Variants in ZMAT1 observed in about 807,000 individuals in gnomAD.
ZMAT1 encodes the protein zinc finger matrin-type 1.
A neutral mutation model predicts 18.5 loss-of-function variants in ZMAT1; 11 were observed. The observed-to-expected ratio is 0.59, with a 90% CI of 0.37 to 0.98. The LOEUF is 0.98. Ranked by LOEUF, ZMAT1 falls within the 50% of genes least tolerant of loss-of-function variation. ZMAT1 has a pLI of 0.01. For missense variants in ZMAT1, 525 were observed against 496.2 expected (o/e 1.06, Z -0.55); for synonymous variants, 211 against 176.4 (o/e 1.20, Z -1.55).
chrX:101,885,917 G>A (rs1238236167), intron 5 of ZMAT1, among the ~76,000 whole-genome samples: 1 of 110,854 alleles, frequency 9.0e-6, no homozygotes, highest in Non-Finnish European at 1.9e-5. Flanking sequence ...CAAACTCCTT[G>A]GCTCTTCCTC....
chrX:101,896,237 T>G (rs1381762397), intron 4 of ZMAT1, among the ~76,000 whole-genome samples: 1 of 112,229 alleles, frequency 8.9e-6, no homozygotes, highest in Non-Finnish European at 1.9e-5. Flanking sequence ...CTTTCTTGAG[T>G]AACAAAGTAA....
intron 1 of ZMAT1, among the ~76,000 whole-genome samples, chrX:101,906,087 A>G (rs765886980): frequency 9.0e-6 from 1 of 110,754 alleles, no homozygotes; most frequent in South Asian, 3.8e-4. Context: ...CTTTAATTCC[A>G]ACTCCAAAAC....
chrX:101,898,223 GA>G lies in ZMAT1; in HGVS notation c.400-4del. ...ACATTTTGAGCATGTTTTTCACCCT[GA>G]AAAAAGATATAATATGACTTTGTTT... On this transcript the variant is annotated splice_polypyrimidine_tract_variant and splice_region_variant and intron_variant, in intron 2 of 5. Transcript: ENST00000651725. 2 of 1,192,291 alleles carry G rather than the reference GA, an allele frequency of 1.7e-6. No homozygotes were observed. The highest frequency in any genetic ancestry group is 2.3e-6 in the Non-Finnish European group (2 of 880,481).
Position 101,883,897 on chromosome X carries a change from TGAGCCA to T in ZMAT1, c.1695_1700del (p.Gly566_Ser567del). The T allele has an allele frequency of 1.7e-6, 2 of 1,210,578 alleles. No homozygotes were observed. On this transcript the variant is annotated inframe_deletion, in exon 6 of 6. Transcript: ENST00000651725. ...TGTAAACTTCAGATTCTACACTGTA[TGAGCCA>T]GAGTTATTTTCTTGCTGATTAAGGC...
rs781411126 is a variant in ZMAT1, at chrX:101,882,627, A to G, written c.*883T>C. On this transcript the variant is annotated 3_prime_UTR_variant, in exon 6 of 6. Transcript: ENST00000651725. ...TGTCCTTTAAAATAAATTATCTCCC[A>G]TGAATAAATAATTCACTATCACAGC... is the stretch of plus-strand genomic sequence containing the variant. 1 of 112,052 alleles carries G rather than the reference A, an allele frequency of 8.9e-6. No homozygotes were observed. The highest frequency in any genetic ancestry group is 3.2e-5 in the African/African-American group (1 of 30,897). 9.2% of individuals were successfully genotyped at this position (112,052 alleles called of 1,213,427 possible). A position where few individuals can be genotyped will look rare whatever the true frequency, so the allele number is the denominator to read the frequency against.
Position 101,883,675 on chromosome X carries a change from A to G in ZMAT1, c.1923T>C (p.Asp641=). 4 of 1,204,131 alleles carry G rather than the reference A, an allele frequency of 3.3e-6. No individual in the cohort carries two copies. Among genetic ancestry groups the G allele is most frequent in the Non-Finnish European group, 4.5e-6 (4 of 892,755 alleles). ...KSIRQRKREE[D]RVKVSSGKLK... ...GCTTTCCTGAACTGACCTTGACTCT[A>G]TCCTCCTCTCTTTTCCTTTGTCTGA... The change falls in exon 6 of 6, where the codon GAT becomes GAC. Residue 641 remains aspartate, a synonymous_variant. Coordinates refer to ENST00000651725, the MANE Select transcript of ZMAT1 (RefSeq NM_001394560.1).
In ZMAT1 at chrX:101,884,374, C is replaced by T. The variant is rs1332471685; in HGVS notation, c.1224G>A (p.Met408Ile). Reference sequence around the variant, plus strand: ...CCTCATGTGAAAATCTTTGCTCACACATTCTTGATCTGGGTCCAGAATCAA... The same window carrying T: ...CCTCATGTGAAAATCTTTGCTCACATATTCTTGATCTGGGTCCAGAATCAA... ...EMVDSGPRSR[M>I]CEQRFSHEAS... The change falls in exon 6 of 6, where the codon ATG becomes ATA. Residue 408 changes from methionine to isoleucine, a missense_variant. By Grantham distance (10) the Met-to-Ile change is conservative. Coordinates refer to ENST00000651725, the MANE Select transcript of ZMAT1 (RefSeq NM_001394560.1). The T allele has an allele frequency of 8.3e-7, 1 of 1,209,135 alleles. No homozygotes were observed. Among genetic ancestry groups the T allele is most frequent in the East Asian group, 3.0e-5 (1 of 33,704 alleles).
intron 1 of ZMAT1, among the ~76,000 whole-genome samples, chrX:101,911,271 G>T (rs1928943718): frequency 8.9e-6 from 1 of 111,921 alleles, no homozygotes; most frequent in Non-Finnish European, 1.9e-5. Context: ...TGTGCTAAAA[G>T]AAATGCTAAA....
Position 101,932,021 on chromosome X carries a change from C to A in ZMAT1, c.-13G>T, listed in dbSNP as rs918318229. On this transcript the variant is annotated 5_prime_UTR_variant, in exon 1 of 6. Transcript: ENST00000651725. ...GCGCCGCCGCCATCGCAGCGAGGCG[C>A]GCGGACAATTGCACTTGCGTCTCGA... The A allele has an allele frequency of 1.3e-6, 1 of 764,995 alleles. No homozygotes were observed. Among genetic ancestry groups the A allele is most frequent in the Admixed American group, 8.5e-5 (1 of 11,703 alleles). 63.0% of individuals were successfully genotyped at this position (764,995 alleles called of 1,213,427 possible).
rs1406907563 is a variant in ZMAT1, at chrX:101,883,196, G to A, written c.*314C>T. The A allele has an allele frequency of 6.2e-6, 1 of 162,544 alleles. No homozygotes were observed. The highest frequency in any genetic ancestry group is 1.3e-4 in the East Asian group (1 of 7,906). The allele number at this position is 162,544 out of a possible 1,213,427, so 13.4% of individuals were successfully genotyped here. A position where few individuals can be genotyped will look rare whatever the true frequency, so the allele number is the denominator to read the frequency against. On this transcript the variant is annotated 3_prime_UTR_variant, in exon 6 of 6. Coordinates refer to ENST00000651725, the MANE Select transcript of ZMAT1 (RefSeq NM_001394560.1). ...GCTGATTTCCTCAATTAATCCTTGG[G>A]CAAACAAAACTAAAAGTTCAATACC... is the stretch of plus-strand genomic sequence containing the variant.
intron 1 of ZMAT1, among the ~76,000 whole-genome samples, chrX:101,916,532 A>T (rs980133333): frequency 1.8e-5 from 2 of 112,059 alleles, no homozygotes. Context: ...AATTATATTG[A>T]AGAGGACACC....
rs943136623 is a variant in ZMAT1 at position 101,904,651 on chromosome X, A to G, written c.293-321T>C. Among the ~76,000 whole-genome samples, 22 of 111,013 alleles carry G rather than the reference A, an allele frequency of 2.0e-4. 1 individual carries two copies. Among genetic ancestry groups the G allele is most frequent in the African/African-American group, 6.9e-4 (21 of 30,502 alleles). ...CAGTAATTAAAGGCTGGATTTAAAA[A>G]CCCAGCCTTGGCCAGGTGCGGTGGC... On this transcript the variant is annotated intron_variant, in intron 1 of 5. Transcript: ENST00000651725.
intron 1 of ZMAT1, among the ~76,000 whole-genome samples, chrX:101,929,422 ATTATATAT>A (rs1930293274): frequency 4.2e-5 from 1 of 23,791 alleles, no homozygotes; most frequent in African/African-American, 2.5e-4. Context: ...ATAGAGAGAG[ATTATATAT>A]ATATATATAT....
chrX:101,920,043 CTTT>C (rs34092477), intron 1 of ZMAT1, among the ~76,000 whole-genome samples: 1 of 93,990 alleles, frequency 1.1e-5, no homozygotes. Context: ...ATTTATTACA[CTTT>C]TTTTTTTTTT....
chrX:101,913,678 G>A (rs1224518589), intron 1 of ZMAT1, among the ~76,000 whole-genome samples: 3 of 111,476 alleles, frequency 2.7e-5, no homozygotes, highest in Non-Finnish European at 5.7e-5. Context: ...ACACTGCAGT[G>A]CCCAGATATA....
intron 1 of ZMAT1, among the ~76,000 whole-genome samples, chrX:101,922,010 A>G (rs2147673917): frequency 9.0e-6 from 1 of 110,849 alleles, no homozygotes; most frequent in South Asian, 3.8e-4. Context: ...ATTGGATCCC[A>G]AACAGATCTA....
At chrX:101,896,030 A>C (rs1274842562) in intron 4 of ZMAT1, 1 of 140,193 alleles carries the variant, frequency 7.1e-6, no homozygotes, top group Non-Finnish European at 1.3e-5. Context: ...AAAGCTTCTA[A>C]AGTAAAAAAG....
At chrX:101,920,035 T>G (rs1300294183) in intron 1 of ZMAT1, among the ~76,000 whole-genome samples, 1 of 61,510 alleles carries the variant, frequency 1.6e-5, no homozygotes, top group African/African-American at 6.6e-5. Context: ...TCCTTTAGAT[T>G]TATTACACTT....
rs1378201447 is a variant in ZMAT1 at position 101,883,417 on chromosome X, C to T, written c.*93G>A. ...CCTGAAGTGACACTGACTGTATCTA[C>T]CTCTCCTTTTCTTCATCAGGTGTTC... is the stretch of plus-strand genomic sequence containing the variant. On this transcript the variant is annotated 3_prime_UTR_variant, in exon 6 of 6. Transcript: ENST00000651725. 3.2e-5 allele frequency: 23 copies of T among 716,170 alleles called. No individual in the cohort carries two copies. Among genetic ancestry groups the T allele is most frequent in the Non-Finnish European group, 4.6e-5 (23 of 503,345 alleles). The allele number at this position is 716,170 out of a possible 1,213,427, so 59.0% of individuals were successfully genotyped here.
Sources: allele counts gnomAD v4.1 joint callset (sites outside exome capture counted in the v4.1 genomes callset), GRCh38; gene constraint gnomAD v4.1.1; transcripts MANE v1.5; gene names NCBI Gene and HGNC (gene_info 2026-07-23, HGNC 2026-07-21).